The following TRHDE variants were observed in gnomAD, a reference collection of about 807,000 sequenced individuals.
TRHDE encodes the protein thyrotropin releasing hormone degrading enzyme, also known as thyrotropin-releasing hormone-degrading ectoenzyme.
In TRHDE, 72 loss-of-function variants were observed where a neutral mutation model predicts 125.7. The ratio of observed to expected loss-of-function variants is 0.57; its 90% CI spans 0.47 to 0.70. TRHDE has a LOEUF of 0.70. TRHDE is among the 30% of genes least tolerant of loss of function. The pLI is 0.00. For missense variants in TRHDE, 1,110 were observed against 1,327.1 expected (o/e 0.84, Z 2.54); for synonymous variants, 509 against 509.1 (o/e 1.00, Z 0.00).
At chr12:72,173,914 A>G (rs1876933998) in intron 2 of TRHDE, among the ~76,000 whole-genome samples, 1 of 152,186 alleles carries the variant, frequency 6.6e-6, no homozygotes, top group African/African-American at 2.4e-5. Context: ...AGTATGATGC[A>G]TTGCAAAATG....
At chr12:72,407,028 T>C (rs1461161814) in intron 3 of TRHDE, among the ~76,000 whole-genome samples, 1 of 152,208 alleles carries the variant, frequency 6.6e-6, no homozygotes, top group Non-Finnish European at 1.5e-5. Flanking sequence ...CTTGTACTCT[T>C]CAGCGTGATC....
chr12:72,123,435 C>A (rs554985620), intron 2 of TRHDE, among the ~76,000 whole-genome samples: 222 of 152,114 alleles, frequency 1.5e-3, no homozygotes, highest in Non-Finnish European at 2.7e-3. Flanking sequence ...AAGAATATTA[C>A]AAAACTCATA....
chr12:72,398,380 C>G (rs1051870152), intron 3 of TRHDE, among the ~76,000 whole-genome samples: 1 of 152,132 alleles, frequency 6.6e-6, no homozygotes, highest in African/African-American at 2.4e-5. Flanking sequence ...AATGGTATTT[C>G]TAGTTCTAGA....
intron 4 of TRHDE, among the ~76,000 whole-genome samples, chr12:72,470,984 C>G (rs565061698): frequency 7.2e-6 from 1 of 139,334 alleles, no homozygotes; most frequent in Non-Finnish European, 1.5e-5. Context: ...TCAAGTGATT[C>G]TCCTGCCTCA....
intron 2 of TRHDE, among the ~76,000 whole-genome samples, chr12:72,217,525 G>A (rs1877917233): frequency 6.6e-6 from 1 of 152,156 alleles, no homozygotes; most frequent in South Asian, 2.1e-4. Context: ...TCATCAATGT[G>A]CAGTCTGTCA....
At chr12:72,118,912 T>C (rs1385369472) in intron 2 of TRHDE, among the ~76,000 whole-genome samples, 1 of 152,154 alleles carries the variant, frequency 6.6e-6, no homozygotes, top group East Asian at 1.9e-4. Flanking sequence ...TGTCTCTGAT[T>C]TTATTTATTT....
intron 6 of TRHDE, among the ~76,000 whole-genome samples, chr12:72,505,490 A>T (rs765077789): frequency 6.6e-6 from 1 of 152,178 alleles, no homozygotes; most frequent in Non-Finnish European, 1.5e-5. Context: ...TTTACATATG[A>T]TGCCAAGGTG....
At chr12:72,284,873 T>C (rs1000223899) in intron 1 of TRHDE, among the ~76,000 whole-genome samples, 1 of 152,206 alleles carries the variant, frequency 6.6e-6, no homozygotes, top group African/African-American at 2.4e-5. Flanking sequence ...TATTATCTCA[T>C]TCTATCATTT....
chr12:72,194,161 T>C (rs1005897417), intron 2 of TRHDE, among the ~76,000 whole-genome samples: 18 of 152,144 alleles, frequency 1.2e-4, no homozygotes, highest in Admixed American at 6.6e-4. Flanking sequence ...CTTTAATTAC[T>C]CTGAGATAGA....
intron 3 of TRHDE, among the ~76,000 whole-genome samples, chr12:72,466,581 G>A (rs1443850392): frequency 6.6e-6 from 1 of 152,108 alleles, no homozygotes. Flanking sequence ...ATATCTATTG[G>A]TTATGAACTT....
At chr12:72,338,180 C>G (rs932930323) in intron 2 of TRHDE, among the ~76,000 whole-genome samples, 5 of 152,200 alleles carry the variant, frequency 3.3e-5, no homozygotes, top group African/African-American at 1.2e-4. Context: ...TGATGCCAAG[C>G]TTTTCCTCTG....
chr12:72,392,624 A>G (rs1872651168), intron 3 of TRHDE, among the ~76,000 whole-genome samples: 1 of 152,212 alleles, frequency 6.6e-6, no homozygotes, highest in Non-Finnish European at 1.5e-5. Flanking sequence ...AGCCATAGAC[A>G]AAATATACAT....
At position 72,666,697 on chromosome 12, in the gene TRHDE, A is replaced by G. The variant is rs570536552; in HGVS notation, c.*3502A>G. 1 of 152,130 alleles carries G rather than the reference A, an allele frequency of 6.6e-6. No homozygotes were observed. Among genetic ancestry groups the G allele is most frequent in the Non-Finnish European group, 1.5e-5 (1 of 68,012 alleles). The allele number at this position is 152,130 out of a possible 1,614,324, so 9.4% of individuals were successfully genotyped here. On this transcript the variant is annotated 3_prime_UTR_variant, in exon 19 of 19. Coordinates refer to ENST00000261180, the MANE Select transcript of TRHDE (RefSeq NM_013381.3). ...TGCATTAATTGGAGATTTTCCAAAT[A>G]CTAGACCAGCATCAAAATACACAGT...
chr12:72,561,501 T>C (rs1870175811), intron 7 of TRHDE, among the ~76,000 whole-genome samples: 1 of 152,140 alleles, frequency 6.6e-6, no homozygotes, highest in Non-Finnish European at 1.5e-5. Flanking sequence ...GAACAAAGTG[T>C]GAATCGGATA....
intron 13 of TRHDE, among the ~76,000 whole-genome samples, chr12:72,619,609 C>T (rs766564056): frequency 3.3e-5 from 5 of 152,128 alleles, no homozygotes; most frequent in Non-Finnish European, 7.4e-5. Flanking sequence ...ATTTTCTGAA[C>T]TCAAAACCTA....
intron 2 of TRHDE, among the ~76,000 whole-genome samples, chr12:72,262,337 T>C (rs1280201740): frequency 2.0e-5 from 3 of 152,112 alleles, no homozygotes; most frequent in African/African-American, 7.2e-5. Flanking sequence ...GCTCTGAACA[T>C]TTAAAAGGAA....
intron 6 of TRHDE, among the ~76,000 whole-genome samples, chr12:72,513,315 G>A (rs1878689617): frequency 6.6e-6 from 1 of 151,934 alleles, no homozygotes; most frequent in African/African-American, 2.4e-5. Context: ...TGCTCCACAG[G>A]GCAGATACAA....
chr12:72,271,985 G>T (rs1361313799), upstream of TRHDE: 2 of 456,620 alleles, frequency 4.4e-6, no homozygotes, highest in African/African-American at 4.0e-5. Context: ...TTCCAGGACG[G>T]ATCTCCGTCG....
At chr12:72,319,086 C>A (rs768239188) in intron 2 of TRHDE, among the ~76,000 whole-genome samples, 1 of 152,006 alleles carries the variant, frequency 6.6e-6, no homozygotes, top group African/African-American at 2.4e-5. Flanking sequence ...TGGGAGGTCA[C>A]CAGTAAATAC....
Sources: gnomAD v4.1 joint callset for allele counts (sites outside exome capture counted in the v4.1 genomes callset) on GRCh38, gnomAD v4.1.1 for gene constraint, MANE v1.5 for transcripts, NCBI Gene and HGNC (gene_info 2026-07-23, HGNC 2026-07-21) for gene names.